The following COA6 variants were observed in gnomAD, a reference collection of about 807,000 sequenced individuals.
COA6 encodes cytochrome c oxidase assembly factor 6 homolog.
A neutral mutation model predicts 17.1 loss-of-function variants in COA6; 12 were observed. The ratio of observed to expected loss-of-function variants is 0.70; its 90% CI spans 0.45 to 1.14. The LOEUF (loss-of-function observed/expected upper bound fraction) is 1.14. COA6 is among the 50% of genes most tolerant of loss of function. COA6 has a pLI of 0.00. For synonymous variants in COA6, 90 were observed against 73.4 expected (o/e 1.23, Z -1.16); for missense variants, 246 against 196.5 (o/e 1.25, Z -1.51).
intron 1 of COA6, 31 bp downstream of exon 1, chr1:234,373,709 C>T: frequency 1.9e-6 from 3 of 1,613,624 alleles, no homozygotes; most frequent in Admixed American, 1.7e-5. Flanking sequence ...GGGTGGGGCG[C>T]GCGTGGACTA....
At chr1:234,374,025 A>C (rs1281156465) in intron 1 of COA6, 6 of 935,534 alleles carry the variant, frequency 6.4e-6, no homozygotes, top group Non-Finnish European at 9.3e-6. Context: ...ATAAGCCTCA[A>C]GAGCGGGTGG....
chr1:234,381,685 T>C (rs1203723028), intron 2 of COA6, among the ~76,000 whole-genome samples: 1 of 152,196 alleles, frequency 6.6e-6, no homozygotes, highest in Non-Finnish European at 1.5e-5. Flanking sequence ...AAAGAGCTGT[T>C]ACAGCAACCC....
At chr1:234,373,994 G>T in intron 1 of COA6, 1 of 1,040,698 alleles carries the variant, frequency 9.6e-7, no homozygotes, top group Non-Finnish European at 1.4e-6. Flanking sequence ...CCCCAGCAGG[G>T]ATCAAATCAC....
intron 2 of COA6, among the ~76,000 whole-genome samples, chr1:234,383,076 T>TAG (rs1659025515): frequency 8.6e-6 from 1 of 116,060 alleles, no homozygotes; most frequent in Non-Finnish European, 1.8e-5. Context: ...GGGAAGGGAA[T>TAG]GGAAGGAAGG....
chr1:234,375,850 C>T (rs1298304179), intron 2 of COA6, among the ~76,000 whole-genome samples: 1 of 152,098 alleles, frequency 6.6e-6, no homozygotes, highest in Non-Finnish European at 1.5e-5. Flanking sequence ...AAGACAGGAT[C>T]TCACTATGTT....
At chr1:234,379,807 T>C (rs947672527) in intron 2 of COA6, among the ~76,000 whole-genome samples, 2 of 152,186 alleles carry the variant, frequency 1.3e-5, no homozygotes, top group Admixed American at 6.5e-5. Context: ...TCTGATCTTA[T>C]GAGAACTCAC....
Position 234,384,407 on chromosome 1 carries a change from ATACTATC to A in COA6, c.*591_*597del, listed in dbSNP as rs1659070360. On this transcript the variant is annotated 3_prime_UTR_variant, in exon 3 of 3. Transcript: ENST00000366615. The stretch of plus-strand genomic sequence containing the variant: ...AACTAGCTCTACTCACATATAATAA[ATACTATC>A]TTATAGAATGTACCAATGGATGCAC... Among the ~76,000 whole-genome samples the A allele has an allele frequency of 1.3e-5, 2 of 152,288 alleles. No individual in the cohort carries two copies. The highest frequency in any genetic ancestry group is 4.1e-4 in the South Asian group (2 of 4,832).
chr1:234,381,410 C>T (rs1658966814), intron 2 of COA6, among the ~76,000 whole-genome samples: 1 of 152,154 alleles, frequency 6.6e-6, no homozygotes, highest in Non-Finnish European at 1.5e-5. Flanking sequence ...GGAATCAAGA[C>T]GCGCAGGAAA....
intron 1 of COA6, chr1:234,373,928 A>G: frequency 1.4e-6 from 2 of 1,452,924 alleles, no homozygotes; most frequent in Non-Finnish European, 1.9e-6. Context: ...GAGCTGCCCT[A>G]AGCGACTGGG....
rs781628994 is a variant in COA6 at position 234,373,475 on chromosome 1, T to G, written c.9T>G (p.Ala3=). Residue 3 remains alanine, a synonymous_variant, in exon 1 of 3, where the codon GCT becomes GCG. Coordinates refer to ENST00000366615, the MANE Select transcript of COA6 (RefSeq NM_001206641.3). MV[A]RKGQKSPRFR... ...CCCTCTATGGAAAGTAAATGGTAGC[T>G]CGGAAGGGTCAAAAGAGTCCGCGGT... 1.3e-6 allele frequency: 2 copies of G among 1,540,504 alleles called. No homozygotes were observed. The highest frequency in any genetic ancestry group is 1.7e-6 in the Non-Finnish European group (2 of 1,143,094).
In COA6 at chr1:234,382,993, C is replaced by T. The variant is rs184765682; in HGVS notation, c.373-730C>T. Among the ~76,000 whole-genome samples the T allele has an allele frequency of 4.2e-4, 51 of 120,726 alleles. 1 individual carries two copies. Among genetic ancestry groups the T allele is most frequent in the African/African-American group, 1.6e-3 (50 of 30,792 alleles). The allele number at this position is 120,726 out of a possible 152,430, so 79.2% of individuals were successfully genotyped here. A position where few individuals can be genotyped will look rare whatever the true frequency, so the allele number is the denominator to read the frequency against. On this transcript the variant is annotated intron_variant, in intron 2 of 2. Transcript: ENST00000366615. ...CTGCACTCCAGCCTGGGTGACAGAGCGAGACTCTCTGTCAAGAAAGAAAGA... is the reference window on the plus strand; with the variant it reads ...CTGCACTCCAGCCTGGGTGACAGAGTGAGACTCTCTGTCAAGAAAGAAAGA...
chr1:234,374,010 G>C (rs550156288), intron 1 of COA6: 1 of 979,524 alleles, frequency 1.0e-6, no homozygotes, highest in East Asian at 2.6e-5. Context: ...ATCACACAGT[G>C]TGAGATAAGC....
intron 2 of COA6, among the ~76,000 whole-genome samples, chr1:234,376,725 T>C (rs10429821): frequency 0.54 from 82,787 of 152,008 alleles, 24,207 homozygotes; most frequent in African/African-American, 0.76. Context: ...TCCTTGGGTC[T>C]CTTTACGGTT....
At chr1:234,382,281 T>G (rs1658997158) in intron 2 of COA6, among the ~76,000 whole-genome samples, 1 of 152,250 alleles carries the variant, frequency 6.6e-6, no homozygotes. Flanking sequence ...AAATGTTATT[T>G]GACATCCTGG....
Position 234,377,069 on chromosome 1 carries a change from A to ACCC in COA6, c.372+2680_372+2681insCCC, listed in dbSNP as rs1304987104. ...TTCTTGCTGTGTTGCCGAGAGAGAG[A>ACCC]GAGAGAGAGAGAGAGAGAGAGAGAG... is the stretch of plus-strand genomic sequence containing the variant. On this transcript the variant is annotated intron_variant, in intron 2 of 2. Transcript: ENST00000366615. Among the ~76,000 whole-genome samples the ACCC allele has an allele frequency of 1.9e-3, 187 of 96,676 alleles. 10 individuals carry two copies. The highest frequency in any genetic ancestry group is 6.8e-3 in the African/African-American group (179 of 26,316). 63.4% of individuals were successfully genotyped at this position (96,676 alleles called of 152,430 possible).
chr1:234,373,570 C>A lies in COA6; in HGVS notation c.104C>A (p.Pro35His). ...TLLELEPAGRPCSGRTRHRAL... is the reference protein window; with the variant it reads ...TLLELEPAGRHCSGRTRHRAL... ...CTAGAGCTTGAGCCAGCGGGGCGAC[C>A]CTGCAGTGGCAGGACTCGGCACCGC... The change falls in exon 1 of 3, where the codon CCC becomes CAC. Residue 35 changes from proline (P) to histidine (H), a missense_variant. By Grantham distance (77) the Pro-to-His change is moderately conservative. Transcript: ENST00000366615. 6.2e-7 allele frequency: 1 copy of A among 1,612,370 alleles called. No individual in the cohort carries two copies.
chr1:234,376,018 G>T (rs1411463223), intron 2 of COA6, among the ~76,000 whole-genome samples: 1 of 152,168 alleles, frequency 6.6e-6, no homozygotes, highest in Non-Finnish European at 1.5e-5. Context: ...TATCTCGTGG[G>T]ATTGTTATGA....
chr1:234,382,836 C>T (rs558025462), intron 2 of COA6, among the ~76,000 whole-genome samples: 1 of 151,982 alleles, frequency 6.6e-6, no homozygotes, highest in Non-Finnish European at 1.5e-5. Context: ...AAAACCCCAT[C>T]ACTACTAAAA....
chr1:234,373,592 C>A lies in COA6; in HGVS notation c.126C>A (p.His42Gln), dbSNP rs776011693. ...AGRPCSGRTR[H>Q]RALHRRLVAC... is the part of the protein sequence containing the mutation. ...GACCCTGCAGTGGCAGGACTCGGCA[C>A]CGCGCCCTCCACCGCCGGTTGGTGG... The change falls in exon 1 of 3, where the codon CAC becomes CAA. Residue 42 changes from histidine (H) to glutamine (Q), a missense_variant. Physicochemically the swap from His to Gln is conservative, Grantham distance 24 (BLOSUM62 0). Transcript: ENST00000366615. The A allele has an allele frequency of 6.2e-7, 1 of 1,612,220 alleles. No individual in the cohort carries two copies. Among genetic ancestry groups the A allele is most frequent in the Non-Finnish European group, 8.5e-7 (1 of 1,179,480 alleles).
Sources: allele counts gnomAD v4.1 joint callset (sites outside exome capture counted in the v4.1 genomes callset), GRCh38; gene constraint gnomAD v4.1.1; transcripts MANE v1.5; gene names NCBI Gene and HGNC (gene_info 2026-07-23, HGNC 2026-07-21).